The following IBTK variants were observed in gnomAD, a reference collection of about 807,000 sequenced individuals.
IBTK encodes the protein BTK-binding protein.
In IBTK, 83 loss-of-function variants were observed where a neutral mutation model predicts 154.9. The observed-to-expected ratio is 0.54, with a 90% CI of 0.45 to 0.64. The LOEUF is 0.64. Among genes scored for constraint, IBTK ranks in the 30% least tolerant of loss-of-function variants. The pLI, the probability that IBTK is intolerant of heterozygous loss-of-function variation, is 0.00. For missense variants in IBTK, 1,332 were observed against 1,584.6 expected, an observed-to-expected ratio of 0.84 and a Z score of 2.71; for synonymous variants, 515 against 536.1, an observed-to-expected ratio of 0.96 and a Z score of 0.54.
At chr6:82,207,110 T>C (rs1481775710) in intron 16 of IBTK, among the ~76,000 whole-genome samples, 1 of 151,942 alleles carries the variant, frequency 6.6e-6, no homozygotes, top group Non-Finnish European at 1.5e-5. Context: ...GAAAAAGAAA[T>C]AAAGCACACC....
intron 6 of IBTK, among the ~76,000 whole-genome samples, chr6:82,225,048 C>T (rs1770241750): frequency 1.3e-5 from 2 of 152,082 alleles, no homozygotes; most frequent in South Asian, 4.2e-4. Flanking sequence ...ACCTGTAATC[C>T]CAGCACTTTG....
intron 26 of IBTK, among the ~76,000 whole-genome samples, chr6:82,174,328 T>C (rs1191350779): frequency 2.6e-5 from 4 of 152,124 alleles, no homozygotes; most frequent in African/African-American, 9.7e-5. Context: ...ATGGGGAAGA[T>C]TTAAAAATAT....
At chr6:82,208,132 A>C (rs1413770053) in intron 16 of IBTK, among the ~76,000 whole-genome samples, 1 of 151,924 alleles carries the variant, frequency 6.6e-6, no homozygotes, top group Non-Finnish European at 1.5e-5. Context: ...CAAAAAAAAA[A>C]AAAAGGTAAT....
intron 26 of IBTK, among the ~76,000 whole-genome samples, chr6:82,181,282 A>C (rs1280901327): frequency 6.6e-6 from 1 of 152,206 alleles, no homozygotes; most frequent in African/African-American, 2.4e-5. Flanking sequence ...AAATACCTAA[A>C]GGTCCATCAA....
chr6:82,203,094 TTGAGTTATC>T (rs1376463165), intron 17 of IBTK, among the ~76,000 whole-genome samples: 1 of 88,278 alleles, frequency 1.1e-5, no homozygotes, highest in South Asian at 3.6e-4. Context: ...ATAAAATATA[TTGAGTTATC>T]TATCAGAATT....
At chr6:82,186,171 T>C (rs1162697038) in intron 25 of IBTK, among the ~76,000 whole-genome samples, 1 of 152,166 alleles carries the variant, frequency 6.6e-6, no homozygotes, top group East Asian at 1.9e-4. Flanking sequence ...AGTTCTCCCA[T>C]CTCTCTCCCT....
intron 4 of IBTK, among the ~76,000 whole-genome samples, chr6:82,228,888 T>A (rs573067204): frequency 1.3e-5 from 2 of 152,282 alleles, no homozygotes; most frequent in South Asian, 4.2e-4. Flanking sequence ...CCCAAAGTGC[T>A]GGGATTACAG....
At chr6:82,211,468 C>A in intron 14 of IBTK, 22 bp downstream of exon 14, 2 of 1,607,194 alleles carry the variant, frequency 1.2e-6, no homozygotes, top group Non-Finnish European at 1.7e-6. Context: ...AATAAATCAG[C>A]AGCTTTAAAA....
At chr6:82,224,606 G>T (rs946002595) in intron 6 of IBTK, among the ~76,000 whole-genome samples, 2 of 152,116 alleles carry the variant, frequency 1.3e-5, no homozygotes, top group African/African-American at 2.4e-5. Context: ...TCGTGCGATT[G>T]TCCTGTGCAC....
intron 1 of IBTK, among the ~76,000 whole-genome samples, chr6:82,242,870 G>C (rs888279240): frequency 6.6e-6 from 1 of 151,796 alleles, no homozygotes; most frequent in Non-Finnish European, 1.5e-5. Flanking sequence ...CCAGGAGGTG[G>C]AGGCTGCAGT....
chr6:82,231,248 G>C (rs1389850217), intron 4 of IBTK, among the ~76,000 whole-genome samples: 1 of 151,494 alleles, frequency 6.6e-6, no homozygotes, highest in Admixed American at 6.6e-5. Context: ...ACATTATTTT[G>C]TTACAAAAAA....
chr6:82,184,861 G>C (rs1018688722), intron 25 of IBTK, among the ~76,000 whole-genome samples: 6 of 152,070 alleles, frequency 3.9e-5, no homozygotes, highest in Non-Finnish European at 8.8e-5. Context: ...TTCAGGTAAT[G>C]ATGTACCTTT....
chr6:82,240,980 A>AT (rs1770927437), intron 1 of IBTK, 137 bp from the exon 2 acceptor site: 3 of 395,086 alleles, frequency 7.6e-6, no homozygotes, highest in Non-Finnish European at 1.3e-5. Context: ...TGGAACACTA[A>AT]GCTTACGGGA....
At chr6:82,193,901 C>T (rs1005911273) in intron 23 of IBTK, among the ~76,000 whole-genome samples, 2 of 152,030 alleles carry the variant, frequency 1.3e-5, no homozygotes, top group Non-Finnish European at 2.9e-5. Flanking sequence ...AGGCTAGTGT[C>T]GAACTCCTGA....
In IBTK at chr6:82,216,002, C is replaced by G. The variant is rs115715886; in HGVS notation, c.1601+74G>C. On this transcript the variant is annotated intron_variant, in intron 11 of 28. Coordinates refer to ENST00000306270, the MANE Select transcript of IBTK (RefSeq NM_015525.4). ...AACAGCTCTTCAATTAAATTTGCACCAGCAGCTACTGAAAACAAGAAAATT... is the reference window on the plus strand; with the variant it reads ...AACAGCTCTTCAATTAAATTTGCACGAGCAGCTACTGAAAACAAGAAAATT... The G allele has an allele frequency of 1.7e-3, 1,850 of 1,093,144 alleles. 30 individuals carry two copies. The African/African-American group carries it at 0.027, about 16-fold the overall frequency. 67.7% of individuals were successfully genotyped at this position (1,093,144 alleles called of 1,614,324 possible).
rs1006007093 is a variant in IBTK at position 82,200,515 on chromosome 6, G to A, written c.2912+72C>T. ...CAAAAGTGTCATATGTCCAAGATGA[G>A]AGTGAAGGGACACACTGGAGAAAAG... On this transcript the variant is annotated intron_variant, in intron 20 of 28. Transcript: ENST00000306270. 8 of 1,276,328 alleles carry A rather than the reference G, an allele frequency of 6.3e-6. 1 individual carries two copies. The Admixed American group carries it at 1.7e-4, about 28-fold the overall frequency. 79.1% of individuals were successfully genotyped at this position (1,276,328 alleles called of 1,614,324 possible).
chr6:82,172,668 C>T (rs773934070), intron 27 of IBTK, 156 bp from the exon 28 acceptor site: 1 of 597,404 alleles, frequency 1.7e-6, no homozygotes, highest in Non-Finnish European at 2.7e-6. Context: ...TGATGAGTTT[C>T]ACTCATCTTC....
chr6:82,174,054 T>C (rs1200897783), intron 26 of IBTK, among the ~76,000 whole-genome samples: 1 of 152,022 alleles, frequency 6.6e-6, no homozygotes, highest in African/African-American at 2.4e-5. Context: ...AAAGGTACAA[T>C]ACAGATGGAC....
At chr6:82,196,990 C>G in intron 21 of IBTK, among the ~76,000 whole-genome samples, 1 of 152,166 alleles carries the variant, frequency 6.6e-6, no homozygotes, top group Non-Finnish European at 1.5e-5. Context: ...TCCCTGAAAT[C>G]TCTGGCTATT....
Sources: allele counts gnomAD v4.1 joint callset (sites outside exome capture counted in the v4.1 genomes callset), GRCh38; gene constraint gnomAD v4.1.1; transcripts MANE v1.5; gene names NCBI Gene and HGNC (gene_info 2026-07-23, HGNC 2026-07-21).